Variants in KLRG1 observed in about 807,000 individuals in gnomAD.
KLRG1 encodes killer cell lectin like receptor G1.
KLRG1 carries 16 observed loss-of-function variants against 21.8 expected under a neutral mutation model. The ratio of observed to expected loss-of-function variants is 0.73; its 90% CI spans 0.50 to 1.11. The LOEUF (loss-of-function observed/expected upper bound fraction) is 1.11. KLRG1 is among the 50% of genes most tolerant of loss of function. The probability of loss-of-function intolerance (pLI) is 0.00; values close to 1 mark genes in which losing one functional copy is unlikely to be tolerated. For missense variants in KLRG1, 173 were observed against 218.3 expected (o/e 0.79, Z 1.31); for synonymous variants, 69 against 75.9 (o/e 0.91, Z 0.47).
the KLRG1 span, among the ~76,000 whole-genome samples, chr12:9,127,071 T>C: frequency 6.6e-6 from 1 of 152,194 alleles, no homozygotes; most frequent in African/African-American, 2.4e-5. Context: ...TGTTCTCACC[T>C]TCTTCCTATC....
the KLRG1 span, chr12:9,181,989 A>G: frequency 6.2e-7 from 1 of 1,613,748 alleles, no homozygotes; most frequent in Non-Finnish European, 8.5e-7. Flanking sequence ...TTGGCTAGAC[A>G]GTTTTCAATC....
intron 1 of KLRG1, among the ~76,000 whole-genome samples, chr12:8,967,076 A>G (rs963005350): frequency 6.7e-5 from 10 of 149,430 alleles, no homozygotes; most frequent in Non-Finnish European, 1.5e-4. Context: ...TCAGCAAACT[A>G]TTGCAAGGAC....
At chr12:9,046,115 C>A in the KLRG1 span, among the ~76,000 whole-genome samples, 1 of 152,084 alleles carries the variant, frequency 6.6e-6, no homozygotes, top group African/African-American at 2.4e-5. Flanking sequence ...GTGCAGCAAA[C>A]CACCATGGCA....
the KLRG1 span, chr12:9,110,000 ACT>A: frequency 2.5e-6 from 4 of 1,613,384 alleles, no homozygotes; most frequent in Non-Finnish European, 3.4e-6. Flanking sequence ...CTAACTGGAA[ACT>A]CTGCCATTGT....
chr12:9,165,284 T>A, the KLRG1 span: 1 of 1,614,156 alleles, frequency 6.2e-7, no homozygotes, highest in Non-Finnish European at 8.5e-7. Flanking sequence ...AAGTCCAGCA[T>A]CTTCGGACAG....
chr12:9,152,127 G>T, the KLRG1 span: 1 of 952,050 alleles, frequency 1.1e-6, no homozygotes, highest in Non-Finnish European at 1.7e-6. Flanking sequence ...GAGGCAGGAT[G>T]ATGTTGACAT....
the KLRG1 span, among the ~76,000 whole-genome samples, chr12:9,116,620 A>C: frequency 3.3e-5 from 5 of 151,920 alleles, no homozygotes; most frequent in Admixed American, 6.6e-5. Context: ...CAAATATGAT[A>C]CTCCTCTGCA....
chr12:9,044,452 G>A, the KLRG1 span, among the ~76,000 whole-genome samples: 1 of 152,036 alleles, frequency 6.6e-6, no homozygotes, highest in African/African-American at 2.4e-5. Flanking sequence ...ATCACTTGAG[G>A]TCAGGAGTTT....
At chr12:9,185,426 G>T in the KLRG1 span, among the ~76,000 whole-genome samples, 7 of 152,278 alleles carry the variant, frequency 4.6e-5, no homozygotes, top group Admixed American at 4.6e-4. Flanking sequence ...AGAAATCTGG[G>T]ATTATTTATG....
At chr12:9,188,052 C>T in the KLRG1 span, among the ~76,000 whole-genome samples, 2 of 152,220 alleles carry the variant, frequency 1.3e-5, no homozygotes, top group Admixed American at 6.5e-5. Flanking sequence ...CCTTGATGAA[C>T]ATTGATGCAA....
At chr12:9,161,196 T>C in the KLRG1 span, 1 of 1,206,250 alleles carries the variant, frequency 8.3e-7, no homozygotes. Flanking sequence ...TAGTGAGAGC[T>C]TCAGAGCCAC....
the KLRG1 span, among the ~76,000 whole-genome samples, chr12:9,025,685 A>G: frequency 2.6e-5 from 4 of 152,168 alleles, no homozygotes; most frequent in Non-Finnish European, 5.9e-5. Context: ...TTTATAGACC[A>G]AGATTCTTGA....
At chr12:9,074,840 G>A in the KLRG1 span, 83 of 1,518,694 alleles carry the variant, frequency 5.5e-5, no homozygotes, top group Non-Finnish European at 7.1e-5. Context: ...TTAATTCAAG[G>A]TGAAAGTACC....
At chr12:9,154,974 C>T in the KLRG1 span, 1 of 917,292 alleles carries the variant, frequency 1.1e-6, no homozygotes. Context: ...GTCATAAACT[C>T]CTAAAACTCA....
the KLRG1 span, among the ~76,000 whole-genome samples, chr12:9,175,104 A>G: frequency 6.6e-6 from 1 of 152,334 alleles, no homozygotes; most frequent in African/African-American, 2.4e-5. Context: ...GTACTGATAA[A>G]GAACAGACAC....
chr12:9,127,140 A>G, the KLRG1 span, among the ~76,000 whole-genome samples: 1 of 152,158 alleles, frequency 6.6e-6, no homozygotes, highest in Non-Finnish European at 1.5e-5. Context: ...AACTTTTGAG[A>G]ATGTCTGTCC....
chr12:9,006,447 G>A (rs1274034061), intron 3 of KLRG1, among the ~76,000 whole-genome samples: 2 of 152,182 alleles, frequency 1.3e-5, no homozygotes, highest in African/African-American at 4.8e-5. Context: ...CATGTTAAAG[G>A]AAAAGAAAGA....
the KLRG1 span, chr12:9,067,813 C>G: frequency 6.2e-7 from 1 of 1,612,566 alleles, no homozygotes; most frequent in African/African-American, 1.3e-5. Flanking sequence ...ACTTTTCAGC[C>G]TTGTGGTCTT....
the KLRG1 span, among the ~76,000 whole-genome samples, chr12:9,201,535 T>G: frequency 1.3e-5 from 2 of 152,178 alleles, no homozygotes; most frequent in African/African-American, 4.8e-5. Context: ...CACAATATAT[T>G]CAATAATTAT....
Sources: allele counts gnomAD v4.1 joint callset (sites outside exome capture counted in the v4.1 genomes callset), GRCh38; gene constraint gnomAD v4.1.1; transcripts MANE v1.5; gene names NCBI Gene and HGNC (gene_info 2026-07-23, HGNC 2026-07-21).